The following OGFOD1 variants were observed in gnomAD, a reference collection of about 807,000 sequenced individuals.
OGFOD1 encodes the protein 2-oxoglutarate and iron dependent oxygenase domain containing 1, also known as prolyl 3-hydroxylase OGFOD1.
Under a neutral mutation model 67.7 loss-of-function variants are expected in OGFOD1, and 54 were observed. The ratio of observed to expected loss-of-function variants is 0.80; its 90% CI spans 0.64 to 1.00. The LOEUF is 1.00. OGFOD1 is among the 50% of genes least tolerant of loss of function. OGFOD1 has a pLI of 0.00. For missense variants in OGFOD1, 606 were observed against 646.7 expected, an observed-to-expected ratio of 0.94 and a Z score of 0.68; for synonymous variants, 221 against 227.0, an observed-to-expected ratio of 0.97 and a Z score of 0.24.
In OGFOD1 at chr16:56,467,294, G is replaced by C; in HGVS notation, c.786+1G>C. ...TCGGAGCCCTCACATCCCACAAGAT[G>C]TAAGAAGAATTGCTGATATCCTTAT... On this transcript the variant is annotated splice_donor_variant, in intron 7 of 12. Transcript: ENST00000566157. LOFTEE classifies it high-confidence loss of function. The C allele has an allele frequency of 1.2e-6, 2 of 1,614,066 alleles. No homozygotes were observed. Among genetic ancestry groups the C allele is most frequent in the Non-Finnish European group, 1.7e-6 (2 of 1,180,000 alleles).
chr16:56,461,389 A>G (rs1596971119), intron 3 of OGFOD1, among the ~76,000 whole-genome samples: 1 of 152,042 alleles, frequency 6.6e-6, no homozygotes, highest in African/African-American at 2.4e-5. Flanking sequence ...GAAGCTCCAC[A>G]CCCCTTCCCC....
intron 5 of OGFOD1, 76 bp downstream of exon 5, chr16:56,466,344 GT>G (rs1310022081): frequency 4.5e-6 from 4 of 895,602 alleles, no homozygotes; most frequent in Non-Finnish European, 5.6e-6. Context: ...TCAGTATCAT[GT>G]TTTTGTATAC....
chr16:56,466,192 G>A lies in OGFOD1; in HGVS notation c.489G>A (p.Arg163=), dbSNP rs745859010. 1.2e-6 allele frequency: 2 copies of A among 1,614,108 alleles called. No homozygotes were observed. The highest frequency in any genetic ancestry group is 2.2e-5 in the South Asian group (2 of 91,088). Residue 163 remains arginine, a synonymous_variant, in exon 5 of 13, where the codon CGG becomes CGA. Coordinates refer to ENST00000566157, the MANE Select transcript of OGFOD1 (RefSeq NM_018233.4). ...LCHDDELEGR[R]IAFILYLVPP... is the part of the protein sequence containing the mutation. ...ATGATGATGAGCTGGAAGGGCGCCG[G>A]ATTGCCTTCATCCTGTACCTGGTTC...
chr16:56,467,920 GATTGGATCA>G lies in OGFOD1; in HGVS notation c.804_812del (p.Trp269_Asn271del). ...TCTTCGTAAGCATGAGATTTTGTAT[GATTGGATCA>G]ACCCTACTTATCTGGACATGGATTA... is the stretch of plus-strand genomic sequence containing the variant. On this transcript the variant is annotated inframe_deletion, in exon 8 of 13. Transcript: ENST00000566157. 6.3e-7 allele frequency: 1 copy of G among 1,584,744 alleles called. No homozygotes were observed. Among genetic ancestry groups the G allele is most frequent in the Non-Finnish European group, 8.7e-7 (1 of 1,153,318 alleles).
chr16:56,472,249 C>T (rs1004193922), intron 10 of OGFOD1, among the ~76,000 whole-genome samples: 1 of 152,016 alleles, frequency 6.6e-6, no homozygotes, highest in African/African-American at 2.4e-5. Context: ...TGATTACAAG[C>T]GTGACCAATC....
chr16:56,462,710 G>T (rs1196302778), intron 4 of OGFOD1, 76 bp downstream of exon 4: 2 of 853,586 alleles, frequency 2.3e-6, no homozygotes, highest in Non-Finnish European at 3.8e-6. Flanking sequence ...TGGTATCTGT[G>T]TACCAAAACA....
Position 56,458,472 on chromosome 16 carries a change from A to T in OGFOD1, c.301-76A>T, listed in dbSNP as rs540506733. ...TTAATGACAATGCTAGGACCAGAAC[A>T]CTCACTAAACTGCTCTCCTTTGTGT... On this transcript the variant is annotated intron_variant, in intron 2 of 12. Transcript: ENST00000566157. 8.5e-6 allele frequency: 11 copies of T among 1,300,134 alleles called. No homozygotes were observed. The South Asian group carries it at 1.3e-4, about 15-fold the overall frequency. 80.5% of individuals were successfully genotyped at this position (1,300,134 alleles called of 1,614,324 possible).
At chr16:56,453,483 A>T in intron 2 of OGFOD1, 75 bp downstream of exon 2, 1 of 1,482,208 alleles carries the variant, frequency 6.7e-7, no homozygotes, top group Non-Finnish European at 9.1e-7. Flanking sequence ...ATACCTTTAG[A>T]CTTGAGGTTT....
chr16:56,470,156 C>G, intron 9 of OGFOD1, 74 bp downstream of exon 9: 1 of 1,331,712 alleles, frequency 7.5e-7, no homozygotes, highest in Non-Finnish European at 1.1e-6. Flanking sequence ...AGTAAAATGA[C>G]AAAAAGCCTA....
intron 9 of OGFOD1, 83 bp from the exon 10 acceptor site, chr16:56,470,404 A>G (rs1963110774): frequency 8.0e-7 from 1 of 1,245,298 alleles, no homozygotes; most frequent in Non-Finnish European, 1.1e-6. Context: ...GAAGAGAGGT[A>G]CAAAGCTAAC....
intron 7 of OGFOD1, 137 bp downstream of exon 7, chr16:56,467,430 C>CAT: frequency 1.3e-6 from 1 of 754,788 alleles, no homozygotes; most frequent in Non-Finnish European, 2.0e-6. Flanking sequence ...TTTTTTCTTC[C>CAT]TTTTTTTTTT....
At position 56,467,296 on chromosome 16, in the gene OGFOD1, A is replaced by G. The variant is rs750690300; in HGVS notation, c.786+3A>G. 8 of 1,614,124 alleles carry G rather than the reference A, an allele frequency of 5.0e-6. 1 individual carries two copies. The South Asian group carries it at 7.7e-5, about 16-fold the overall frequency. ...GGAGCCCTCACATCCCACAAGATGT[A>G]AGAAGAATTGCTGATATCCTTATCT... is the stretch of plus-strand genomic sequence containing the variant. On this transcript the variant is annotated splice_donor_region_variant and intron_variant, in intron 7 of 12. Coordinates refer to ENST00000566157, the MANE Select transcript of OGFOD1 (RefSeq NM_018233.4).
chr16:56,466,325 TGAG>T (rs1962899876), intron 5 of OGFOD1, 57 bp downstream of exon 5: 1 of 1,086,032 alleles, frequency 9.2e-7, no homozygotes, highest in African/African-American at 1.5e-5. Flanking sequence ...GAGTTAAAGC[TGAG>T]TTGATTCAGT....
chr16:56,467,761 T>C (rs1264951128), intron 7 of OGFOD1, 144 bp from the exon 8 acceptor site: 3 of 654,652 alleles, frequency 4.6e-6, no homozygotes, highest in African/African-American at 3.7e-5. Context: ...GAGAGTGTCT[T>C]TCTCAAGCAG....
At chr16:56,464,088 C>G (rs568711842) in intron 4 of OGFOD1, among the ~76,000 whole-genome samples, 2 of 152,150 alleles carry the variant, frequency 1.3e-5, no homozygotes. Context: ...TCCATCTTTC[C>G]TGGACTTTCA....
intron 8 of OGFOD1, among the ~76,000 whole-genome samples, chr16:56,468,983 G>A (rs1163598098): frequency 2.0e-5 from 3 of 152,202 alleles, no homozygotes; most frequent in Non-Finnish European, 4.4e-5. Context: ...AAAAAAGGTT[G>A]AGACTCTACA....
intron 10 of OGFOD1, among the ~76,000 whole-genome samples, chr16:56,473,075 C>T (rs1279202267): frequency 3.3e-5 from 5 of 152,230 alleles, no homozygotes; most frequent in Middle Eastern, 3.4e-3. Flanking sequence ...GGACTACAGG[C>T]GCATGCCACC....
At chr16:56,452,491 G>C (rs1962375157) in intron 1 of OGFOD1, among the ~76,000 whole-genome samples, 1 of 152,198 alleles carries the variant, frequency 6.6e-6, no homozygotes, top group Non-Finnish European at 1.5e-5. Flanking sequence ...TCATGCGCCA[G>C]GCATCCCCTT....
chr16:56,470,742 G>A lies in OGFOD1; in HGVS notation c.1236G>A (p.Gln412=), dbSNP rs1274032543. Residue 412 remains glutamine (Q), a synonymous_variant, in exon 10 of 13, where the codon CAG becomes CAA. Transcript: ENST00000566157. ...TGGCCATCAGCAACAACAGCCAACA[G>A]AGCAATGAGCAGACAGACCCAGAGC... ...NQMAISNNSQ[Q]SNEQTDPEPE... is the part of the protein sequence containing the mutation. The A allele has an allele frequency of 6.2e-7, 1 of 1,613,352 alleles. No homozygotes were observed. The highest frequency in any genetic ancestry group is 8.5e-7 in the Non-Finnish European group (1 of 1,179,730).
Sources: allele counts gnomAD v4.1 joint callset (sites outside exome capture counted in the v4.1 genomes callset), GRCh38; gene constraint gnomAD v4.1.1; transcripts MANE v1.5; gene names NCBI Gene and HGNC (gene_info 2026-07-23, HGNC 2026-07-21).